BCL9: variants seen among roughly 807,000 people sequenced by gnomAD.
The protein encoded by BCL9 is BCL9 transcription coactivator.
A neutral mutation model predicts 88.5 loss-of-function variants in BCL9; 25 were observed. That is an observed-to-expected ratio of 0.28 (90% CI 0.21 to 0.39). BCL9 has a LOEUF of 0.39. Ranked by LOEUF, BCL9 falls within the 10% of genes least tolerant of loss-of-function variation. The pLI, the probability that BCL9 is intolerant of heterozygous loss-of-function variation, is 1.00. For missense variants in BCL9, 1,817 were observed against 1,877.8 expected (o/e 0.97, Z 0.60); for synonymous variants, 711 against 673.3 (o/e 1.06, Z -0.87).
chr1:147,574,130 T>A (rs1338291278), intron 1 of BCL9, among the ~76,000 whole-genome samples: 1 of 152,198 alleles, frequency 6.6e-6, no homozygotes, highest in African/African-American at 2.4e-5. Flanking sequence ...CTAGTTTACA[T>A]AAACCTAGGC....
At chr1:147,611,543 G>T (rs1159978494) in intron 3 of BCL9, 35 bp from the exon 4 acceptor site, 4 of 454,798 alleles carry the variant, frequency 8.8e-6, no homozygotes, top group African/African-American at 3.9e-5. Flanking sequence ...CTCTGTTTTT[G>T]CTCCCAACTT....
In BCL9 at chr1:147,618,843, G is replaced by A; in HGVS notation, c.688G>A (p.Asp230Asn). The change falls in exon 8 of 10, where the codon GAT becomes AAT. Residue 230 changes from aspartate (D) to asparagine (N), a missense_variant. Asp to Asn is a conservative substitution (Grantham distance 23). Around this residue, in one of 2 missense-constraint regions of BCL9, gnomAD observed 1,228 missense variants for 1,191.6 expected, o/e 1.03. Coordinates refer to ENST00000234739, the MANE Select transcript of BCL9 (RefSeq NM_004326.4). ...CACACAGATATCTGCCCTTCGGAAT[G>A]ATCCGAAACCTCTCCCACAACAGCC... is the stretch of plus-strand genomic sequence containing the variant. ...LNTQISALRN[D>N]PKPLPQQPPA... 1 of 1,570,536 alleles carries A rather than the reference G, an allele frequency of 6.4e-7. No homozygotes were observed.
intron 1 of BCL9, among the ~76,000 whole-genome samples, chr1:147,566,438 C>T (rs1216727126): frequency 1.3e-5 from 2 of 152,106 alleles, no homozygotes; most frequent in Non-Finnish European, 2.9e-5. Context: ...GATGCAGGGC[C>T]TTGGAAGGAG....
chr1:147,612,918 C>T lies in BCL9; in HGVS notation c.89C>T (p.Pro30Leu). 6.2e-7 allele frequency: 1 copy of T among 1,613,994 alleles called. No individual in the cohort carries two copies. The highest frequency in any genetic ancestry group is 8.5e-7 in the Non-Finnish European group (1 of 1,179,940). The change falls in exon 5 of 10, where the codon CCC becomes CTC. Residue 30 changes from proline to leucine, a missense_variant. Pro to Leu is a moderately conservative substitution (Grantham distance 98, BLOSUM62 -3). Transcript: ENST00000234739. ...TCAAAGCAGGAGGTGATGGTCCGTC[C>T]CCCTACAGTGATGTCCCCATCTGGA... ...PKSKQEVMVR[P>L]PTVMSPSGNP...
At chr1:147,571,321 C>T (rs1655876439) in intron 1 of BCL9, among the ~76,000 whole-genome samples, 1 of 152,144 alleles carries the variant, frequency 6.6e-6, no homozygotes, top group Non-Finnish European at 1.5e-5. Context: ...ATCCTTCCTT[C>T]CTTCTTGAGC....
At position 147,620,877 on chromosome 1, in the gene BCL9, C is replaced by T; in HGVS notation, c.2722C>T (p.Pro908Ser). The change falls in exon 8 of 10, where the codon CCC (proline) becomes TCC (serine). Residue 908 changes from proline (P) to serine (S), a missense_variant. Physicochemically the swap from Pro to Ser is moderately conservative, Grantham distance 74. Coordinates refer to ENST00000234739, the MANE Select transcript of BCL9 (RefSeq NM_004326.4). ...AGCTGCTGCTGCTTCCATTAAGTCC[C>T]CCCCTGTTTTGGGGTCTGCTGCTGC... ...GPAAAASIKS[P>S]PVLGSAAASP... The T allele has an allele frequency of 6.2e-7, 1 of 1,614,158 alleles. No individual in the cohort carries two copies. The highest frequency in any genetic ancestry group is 2.2e-5 in the East Asian group (1 of 44,886).
intron 3 of BCL9, among the ~76,000 whole-genome samples, chr1:147,611,359 G>T (rs1657991356): frequency 6.6e-6 from 1 of 152,156 alleles, no homozygotes; most frequent in Non-Finnish European, 1.5e-5. Flanking sequence ...TGCGGGGGAG[G>T]CTTGCATGCT....
At chr1:147,566,510 C>A (rs1178026732) in intron 1 of BCL9, among the ~76,000 whole-genome samples, 1 of 151,988 alleles carries the variant, frequency 6.6e-6, no homozygotes, top group African/African-American at 2.4e-5. Flanking sequence ...ATTCCCAGCA[C>A]TTTGGGGAGG....
In BCL9 at chr1:147,544,836, T is replaced by C. The variant is rs587683131; in HGVS notation, c.-478+3162T>C. ...AGTGATATCAAAGATAGAATGTTTT[T>C]TCTCTCTCTCTCTCTCTTCCTCCTA... On this transcript the variant is annotated intron_variant, in intron 1 of 9. Transcript: ENST00000234739. Among the ~76,000 whole-genome samples, 400 of 151,054 alleles carry C rather than the reference T, an allele frequency of 2.6e-3. 3 individuals are homozygous for C. The highest frequency in any genetic ancestry group is 8.6e-3 in the African/African-American group (354 of 41,348).
intron 1 of BCL9, among the ~76,000 whole-genome samples, chr1:147,547,880 T>A: frequency 6.6e-6 from 1 of 152,354 alleles, no homozygotes; most frequent in East Asian, 1.9e-4. Context: ...AAGAAAAGCA[T>A]ATTCTACATA....
chr1:147,572,229 C>T (rs910553895), intron 1 of BCL9, among the ~76,000 whole-genome samples: 2 of 152,188 alleles, frequency 1.3e-5, no homozygotes, highest in South Asian at 2.1e-4. Context: ...GCAAGTAGAG[C>T]GAGACTCCGT....
At chr1:147,568,437 G>C (rs1553196963) in intron 1 of BCL9, among the ~76,000 whole-genome samples, 2 of 150,858 alleles carry the variant, frequency 1.3e-5, no homozygotes, top group Non-Finnish European at 2.9e-5. Flanking sequence ...TTTCATAGTT[G>C]GGCACTGTTC....
intron 1 of BCL9, among the ~76,000 whole-genome samples, chr1:147,543,224 T>C (rs1553193968): frequency 6.6e-6 from 1 of 152,234 alleles, no homozygotes; most frequent in Admixed American, 6.5e-5. Flanking sequence ...CAGTTGTAGC[T>C]CTCTCTGAAT....
chr1:147,608,983 T>TGGTGGCA (rs1657869105), intron 3 of BCL9, among the ~76,000 whole-genome samples: 1 of 152,222 alleles, frequency 6.6e-6, no homozygotes, highest in African/African-American at 2.4e-5. Flanking sequence ...ATAGAAATAG[T>TGGTGGCA]GGTGGCACCT....
chr1:147,601,211 C>T (rs1352358457), intron 1 of BCL9, among the ~76,000 whole-genome samples: 1 of 151,978 alleles, frequency 6.6e-6, no homozygotes, highest in Admixed American at 6.5e-5. Flanking sequence ...AGATTGGAGT[C>T]CAGCTGGGGA....
chr1:147,590,005 T>C (rs1328135130), intron 1 of BCL9, among the ~76,000 whole-genome samples: 7 of 152,196 alleles, frequency 4.6e-5, no homozygotes, highest in Non-Finnish European at 8.8e-5. Context: ...CTTGCCATTG[T>C]CTTTCTTTTT....
intron 1 of BCL9, among the ~76,000 whole-genome samples, chr1:147,602,532 AT>A (rs1553201455): frequency 1.3e-5 from 2 of 152,168 alleles, no homozygotes; most frequent in Non-Finnish European, 2.9e-5. Context: ...TTTAATGTAA[AT>A]TTGAGAAAAG....
intron 1 of BCL9, among the ~76,000 whole-genome samples, chr1:147,575,799 A>G (rs17160451): frequency 0.035 from 5,357 of 152,252 alleles, 316 homozygotes; most frequent in African/African-American, 0.12. Context: ...TGAATTTAAT[A>G]AGCCCAAGAG....
chr1:147,599,774 C>CG (rs1488988231), intron 1 of BCL9, among the ~76,000 whole-genome samples: 1 of 127,114 alleles, frequency 7.9e-6, no homozygotes, highest in Non-Finnish European at 1.7e-5. Flanking sequence ...AGTAAAATAT[C>CG]GGGGGCGGGG....
Sources: allele counts gnomAD v4.1 joint callset (sites outside exome capture counted in the v4.1 genomes callset), GRCh38; gene constraint gnomAD v4.1.1; regional missense constraint gnomAD v4.1.1; transcripts MANE v1.5; gene names NCBI Gene and HGNC (gene_info 2026-07-23, HGNC 2026-07-21).